The following ZZZ3 variants were observed in gnomAD, a reference collection of about 807,000 sequenced individuals.
ZZZ3 encodes the protein zinc finger ZZ-type containing 3, also known as ZZ-type zinc finger-containing protein 3.
In ZZZ3, 22 loss-of-function variants were observed where a neutral mutation model predicts 95.2. The ratio of observed to expected loss-of-function variants is 0.23; its 90% CI spans 0.17 to 0.33. The LOEUF (loss-of-function observed/expected upper bound fraction) is 0.33. ZZZ3 is among the 10% of genes least tolerant of loss of function. ZZZ3 has a pLI of 1.00. For missense variants in ZZZ3, 885 were observed against 1,066.5 expected, an observed-to-expected ratio of 0.83 and a Z score of 2.37; for synonymous variants, 335 against 358.9, an observed-to-expected ratio of 0.93 and a Z score of 0.75.
intron 4 of ZZZ3, among the ~76,000 whole-genome samples, chr1:77,635,274 T>C (rs1002469866): frequency 1.3e-5 from 2 of 152,206 alleles, no homozygotes; most frequent in Non-Finnish European, 2.9e-5. Context: ...GGCATACTTT[T>C]AAATTTTTAA....
chr1:77,624,358 T>C (rs908186324), intron 5 of ZZZ3, among the ~76,000 whole-genome samples: 2 of 152,092 alleles, frequency 1.3e-5, no homozygotes, highest in African/African-American at 4.8e-5. Context: ...AGGATGGTCA[T>C]TACAAAGAGC....
chr1:77,577,117 C>T (rs762737944), intron 11 of ZZZ3, among the ~76,000 whole-genome samples: 10 of 152,184 alleles, frequency 6.6e-5, no homozygotes, highest in Non-Finnish European at 1.2e-4. Context: ...AGCACAGTCA[C>T]AAAGAACACC....
intron 5 of ZZZ3, among the ~76,000 whole-genome samples, chr1:77,591,956 G>A (rs1315548028): frequency 6.6e-6 from 1 of 152,114 alleles, no homozygotes; most frequent in East Asian, 1.9e-4. Context: ...GCAAGCTTGA[G>A]CTCAATTTTC....
In ZZZ3 at chr1:77,609,610, T is replaced by C. The variant is rs1414730946; in HGVS notation, c.1505+22240A>G. Among the ~76,000 whole-genome samples the C allele has an allele frequency of 2.6e-5, 4 of 152,032 alleles. No individual in the cohort carries two copies. In the East Asian group the frequency reaches 7.7e-4, roughly 29 times the overall value. On this transcript the variant is annotated intron_variant, in intron 5 of 14. Coordinates refer to ENST00000370801, the MANE Select transcript of ZZZ3 (RefSeq NM_015534.6). The stretch of plus-strand genomic sequence containing the variant: ...CACATCCTTTTCCTCAGCAAAAGGG[T>C]CATTTTTGAGGACAGAATATGTTAG...
intron 5 of ZZZ3, among the ~76,000 whole-genome samples, chr1:77,628,859 C>T (rs1157483404): frequency 6.6e-6 from 1 of 152,184 alleles, no homozygotes; most frequent in East Asian, 1.9e-4. Context: ...CTGGGCAATG[C>T]TCAACCTCGG....
chr1:77,624,885 A>G (rs892543148), intron 5 of ZZZ3, among the ~76,000 whole-genome samples: 2 of 152,192 alleles, frequency 1.3e-5, no homozygotes, highest in African/African-American at 4.8e-5. Flanking sequence ...CACTAACTCC[A>G]GTTAGTGTCA....
intron 8 of ZZZ3, among the ~76,000 whole-genome samples, chr1:77,581,561 A>G (rs1358990525): frequency 6.6e-6 from 1 of 152,254 alleles, no homozygotes; most frequent in Non-Finnish European, 1.5e-5. Flanking sequence ...ATACAAAAGG[A>G]AACTGCAGCT....
At position 77,632,169 on chromosome 1, in the gene ZZZ3, T is replaced by C; in HGVS notation, c.1186A>G (p.Ser396Gly). The C allele has an allele frequency of 1.2e-6, 2 of 1,614,134 alleles. No homozygotes were observed. Among genetic ancestry groups the C allele is most frequent in the Non-Finnish European group, 1.7e-6 (2 of 1,180,004 alleles). ...APTRGSPTKN[S>G]SPYRENGQFE... ...TGTCCATTTTCTCTGTAAGGAGAAC[T>C]GTTTTTAGTGGGACTACCTCTGGTA... Residue 396 changes from serine to glycine, a missense_variant, in exon 5 of 15, where the codon AGT (serine) becomes GGT (glycine). Physicochemically the swap from Ser to Gly is moderately conservative, Grantham distance 56. Coordinates refer to ENST00000370801, the MANE Select transcript of ZZZ3 (RefSeq NM_015534.6).
At chr1:77,670,647 CA>C (rs1457744320) in intron 1 of ZZZ3, among the ~76,000 whole-genome samples, 1 of 151,544 alleles carries the variant, frequency 6.6e-6, no homozygotes, top group Non-Finnish European at 1.5e-5. Context: ...ATTAAGGCAA[CA>C]AAGAGTTTGG....
chr1:77,585,887 T>C (rs908333287), intron 5 of ZZZ3, among the ~76,000 whole-genome samples: 3 of 152,216 alleles, frequency 2.0e-5, no homozygotes, highest in Admixed American at 6.5e-5. Context: ...CTAAAACAAA[T>C]CTTATTCTTG....
At chr1:77,596,167 T>C (rs1664195889) in intron 5 of ZZZ3, among the ~76,000 whole-genome samples, 1 of 152,100 alleles carries the variant, frequency 6.6e-6, no homozygotes, top group Admixed American at 6.5e-5. Context: ...GTATATGAGA[T>C]GAAAGTTTGG....
At chr1:77,638,054 T>C (rs994899882) in intron 4 of ZZZ3, among the ~76,000 whole-genome samples, 4 of 152,234 alleles carry the variant, frequency 2.6e-5, no homozygotes, top group Non-Finnish European at 5.9e-5. Flanking sequence ...GAGTTTTTCC[T>C]ATATGTTATC....
chr1:77,568,095 T>C (rs1485581761), intron 13 of ZZZ3, among the ~76,000 whole-genome samples: 1 of 152,084 alleles, frequency 6.6e-6, no homozygotes, highest in Non-Finnish European at 1.5e-5. Context: ...CTGGCCAACA[T>C]GGTGAAACCC....
chr1:77,577,382 G>C (rs1439939350), intron 11 of ZZZ3, among the ~76,000 whole-genome samples: 1 of 152,158 alleles, frequency 6.6e-6, no homozygotes, highest in Non-Finnish European at 1.5e-5. Context: ...ATTAAACACA[G>C]GTTAATGTAA....
At chr1:77,653,371 C>T (rs908738045) in intron 1 of ZZZ3, among the ~76,000 whole-genome samples, 5 of 152,128 alleles carry the variant, frequency 3.3e-5, no homozygotes, top group African/African-American at 1.2e-4. Context: ...GATGGTTGTC[C>T]TACTTTGTAA....
chr1:77,650,206 T>A (rs1340400069), intron 1 of ZZZ3, among the ~76,000 whole-genome samples: 1 of 151,574 alleles, frequency 6.6e-6, no homozygotes, highest in East Asian at 1.9e-4. Flanking sequence ...GACAGCAACA[T>A]AAGAGAAGAA....
At chr1:77,594,921 C>CAAAAAAAA (rs371690201) in intron 5 of ZZZ3, among the ~76,000 whole-genome samples, 8 of 80,704 alleles carry the variant, frequency 9.9e-5, no homozygotes, top group African/African-American at 3.7e-4. Context: ...TTGACAGGCC[C>CAAAAAAAA]AAAAAAAAAA....
At chr1:77,602,360 T>C (rs190881837) in intron 5 of ZZZ3, among the ~76,000 whole-genome samples, 3 of 152,340 alleles carry the variant, frequency 2.0e-5, no homozygotes, top group Admixed American at 2.0e-4. Flanking sequence ...CAATTATTAC[T>C]TGTCCACCTA....
intron 5 of ZZZ3, among the ~76,000 whole-genome samples, chr1:77,620,714 G>A (rs536510550): frequency 2.0e-5 from 3 of 152,280 alleles, no homozygotes; most frequent in African/African-American, 7.2e-5. Context: ...ATGTTCCACT[G>A]GGTATACTAT....
Sources: gnomAD v4.1 joint callset for allele counts (sites outside exome capture counted in the v4.1 genomes callset) on GRCh38, gnomAD v4.1.1 for gene constraint, MANE v1.5 for transcripts, NCBI Gene and HGNC (gene_info 2026-07-23, HGNC 2026-07-21) for gene names.